The following NREP variants were observed in gnomAD, a reference collection of about 807,000 sequenced individuals.
NREP encodes neuronal regeneration-related protein.
A neutral mutation model predicts 8.6 loss-of-function variants in NREP; 5 were observed. The observed-to-expected ratio is 0.58, with a 90% CI of 0.30 to 1.22. The LOEUF (loss-of-function observed/expected upper bound fraction) is 1.22. Among genes scored for constraint, NREP ranks in the 50% most tolerant of loss-of-function variants. The pLI is 0.07. For missense variants in NREP, 86 were observed against 82.5 expected, an observed-to-expected ratio of 1.04 and a Z score of -0.17; for synonymous variants, 27 against 28.0, an observed-to-expected ratio of 0.96 and a Z score of 0.11.
chr5:111,903,222 C>T (rs1028472699), intron 2 of NREP, among the ~76,000 whole-genome samples: 1 of 151,274 alleles, frequency 6.6e-6, no homozygotes, highest in Non-Finnish European at 1.5e-5. Flanking sequence ...GTAGTTGGGA[C>T]TATAGTTGTA....
chr5:111,814,573 T>C (rs1752343060), intron 2 of NREP, among the ~76,000 whole-genome samples: 2 of 152,158 alleles, frequency 1.3e-5, no homozygotes, highest in South Asian at 4.1e-4. Context: ...CTGCTATTAA[T>C]TGATTCGTCC....
At chr5:111,757,739 G>A, upstream of NREP, 1 of 984,334 alleles carries the variant, frequency 1.0e-6, no homozygotes, top group Non-Finnish European at 1.2e-6. Flanking sequence ...CGCCCCGGGA[G>A]CACGGCGCGC....
At chr5:111,975,323 G>C (rs1756931784) in exon 2 of NREP, 6 of 1,551,644 alleles carry the variant, frequency 3.9e-6, no homozygotes, top group Non-Finnish European at 5.2e-6. Flanking sequence ...TTTGGAACAA[G>C]GGACTCTGTC....
chr5:111,841,200 A>T (rs1457598336), intron 2 of NREP, among the ~76,000 whole-genome samples: 1 of 152,130 alleles, frequency 6.6e-6, no homozygotes, highest in Non-Finnish European at 1.5e-5. Context: ...CTCTCTGAAG[A>T]ACTATATAAA....
At chr5:111,830,618 C>A (rs796569017) in intron 2 of NREP, among the ~76,000 whole-genome samples, 5 of 152,326 alleles carry the variant, frequency 3.3e-5, no homozygotes, top group African/African-American at 1.2e-4. Context: ...CTCCCTCCAG[C>A]CTAAGCTGCT....
chr5:111,883,517 T>C (rs925169991), intron 2 of NREP, among the ~76,000 whole-genome samples: 1 of 152,080 alleles, frequency 6.6e-6, no homozygotes, highest in Non-Finnish European at 1.5e-5. Context: ...CAACAGAATA[T>C]ACACTTTTTT....
chr5:111,808,106 A>G (rs1047179929), intron 2 of NREP, among the ~76,000 whole-genome samples: 14 of 152,328 alleles, frequency 9.2e-5, no homozygotes, highest in Admixed American at 5.9e-4. Flanking sequence ...ATCTGGTGCA[A>G]TAATCTTCTT....
chr5:111,889,120 T>C lies in NREP; in HGVS notation c.135+86154A>G, dbSNP rs558256605. Among the ~76,000 whole-genome samples the C allele has an allele frequency of 2.0e-5, 3 of 152,332 alleles. No individual in the cohort carries two copies. The East Asian group carries it at 5.8e-4, about 29-fold the overall frequency. On this transcript the variant is annotated intron_variant, in intron 2 of 3. Transcript: ENST00000395634. ...TAAAGAAATACCAGAGACTAGATAA[T>C]TTATAAGAGAAGAATAACTGACTCA...
At chr5:111,967,928 G>A (rs1756691415) in intron 2 of NREP, among the ~76,000 whole-genome samples, 1 of 151,796 alleles carries the variant, frequency 6.6e-6, no homozygotes. Context: ...TACCATGGAT[G>A]AGCAGAACAA....
At chr5:111,930,285 T>C (rs1364214438) in intron 2 of NREP, among the ~76,000 whole-genome samples, 2 of 152,060 alleles carry the variant, frequency 1.3e-5, no homozygotes, top group African/African-American at 4.8e-5. Context: ...AATGTTAGGC[T>C]CCCATAAGGA....
chr5:111,843,238 T>C (rs115348295), intron 2 of NREP, among the ~76,000 whole-genome samples: 2,968 of 151,992 alleles, frequency 0.02, 47 homozygotes, highest in Non-Finnish European at 0.027. Flanking sequence ...TTTTTAAAAT[T>C]TTTTGTTCTT....
intron 2 of NREP, among the ~76,000 whole-genome samples, chr5:111,908,667 G>A (rs781634847): frequency 2.0e-5 from 3 of 151,286 alleles, no homozygotes; most frequent in Non-Finnish European, 4.4e-5. Flanking sequence ...TTTTTAATCC[G>A]ATCCTCTGTT....
intron 2 of NREP, among the ~76,000 whole-genome samples, chr5:111,928,422 T>C (rs2112593400): frequency 6.6e-6 from 1 of 152,226 alleles, no homozygotes; most frequent in Admixed American, 6.5e-5. Flanking sequence ...GCAGACTTAA[T>C]TTATGTCAGA....
rs1231341758 is a variant in NREP at position 111,897,372 on chromosome 5, T to C, written c.135+77902A>G. Among the ~76,000 whole-genome samples the C allele has an allele frequency of 2.6e-5, 4 of 152,186 alleles. No homozygotes were observed. In the South Asian group the frequency reaches 6.2e-4, roughly 24 times the overall value. ...GTGCCAGTGCATTCTACAAGGCAAC[T>C]CACACTATATGTGATGCCAAATGTT... On this transcript the variant is annotated intron_variant, in intron 2 of 3. Coordinates refer to the NREP transcript ENST00000395634.
At chr5:111,742,862 C>CA in intron 2 of NREP, among the ~76,000 whole-genome samples, 1 of 151,842 alleles carries the variant, frequency 6.6e-6, no homozygotes, top group Non-Finnish European at 1.5e-5. Flanking sequence ...TCCATAAATC[C>CA]AAAAAAGGGA....
At chr5:111,735,841 C>A (rs956366949) in intron 2 of NREP, among the ~76,000 whole-genome samples, 14 of 152,182 alleles carry the variant, frequency 9.2e-5, no homozygotes, top group African/African-American at 3.4e-4. Flanking sequence ...TCAAAGGATT[C>A]TATAAGTATC....
chr5:111,832,908 C>T (rs1233275374), intron 2 of NREP, among the ~76,000 whole-genome samples: 1 of 152,168 alleles, frequency 6.6e-6, no homozygotes, highest in Non-Finnish European at 1.5e-5. Context: ...AAGGATTAGA[C>T]TCAATCACTC....
At chr5:111,808,151 T>C (rs1752186033) in intron 2 of NREP, among the ~76,000 whole-genome samples, 1 of 152,248 alleles carries the variant, frequency 6.6e-6, no homozygotes, top group East Asian at 1.9e-4. Flanking sequence ...TACTTATCTA[T>C]AAGAATGCAC....
intron 2 of NREP, among the ~76,000 whole-genome samples, chr5:111,810,232 T>C (rs927613647): frequency 1.3e-5 from 2 of 151,884 alleles, no homozygotes; most frequent in Non-Finnish European, 2.9e-5. Flanking sequence ...ACGGAAACTG[T>C]GAGGAAGAAG....
Sources: gnomAD v4.1 joint callset for allele counts (sites outside exome capture counted in the v4.1 genomes callset) on GRCh38, gnomAD v4.1.1 for gene constraint, MANE v1.5 for transcripts, NCBI Gene and HGNC (gene_info 2026-07-23, HGNC 2026-07-21) for gene names.